CLIC5: variants seen among roughly 807,000 people sequenced by gnomAD.
CLIC5 encodes the protein chloride intracellular channel protein 5.
Under a neutral mutation model 24.7 loss-of-function variants are expected in CLIC5, and 20 were observed. That is an observed-to-expected ratio of 0.81 (90% confidence interval 0.57 to 1.18). CLIC5 has a LOEUF of 1.18. Ranked by LOEUF, CLIC5 falls within the 50% of genes most tolerant of loss-of-function variation. The pLI, the probability that CLIC5 is intolerant of heterozygous loss-of-function variation, is 0.00. For missense variants in CLIC5, 341 were observed against 326.1 expected, an observed-to-expected ratio of 1.05 and a Z score of -0.35; for synonymous variants, 159 against 135.6, an observed-to-expected ratio of 1.17 and a Z score of -1.20.
chr6:45,922,431 T>C (rs1763299613), intron 4 of CLIC5, among the ~76,000 whole-genome samples: 1 of 152,228 alleles, frequency 6.6e-6, no homozygotes, highest in South Asian at 2.1e-4. Context: ...GGGATTCTTA[T>C]AAAGAAGCAT....
intron 1 of CLIC5, among the ~76,000 whole-genome samples, chr6:46,073,925 G>A (rs982897560): frequency 3.3e-5 from 5 of 152,138 alleles, no homozygotes; most frequent in Non-Finnish European, 7.4e-5. Flanking sequence ...ATAAAACTTT[G>A]TTTGCCTCCA....
At chr6:45,945,213 G>A (rs1221319295) in intron 3 of CLIC5, among the ~76,000 whole-genome samples, 1 of 152,124 alleles carries the variant, frequency 6.6e-6, no homozygotes, top group East Asian at 1.9e-4. Context: ...CAGGCTCTAG[G>A]CTCATTAGTA....
chr6:46,013,107 A>G (rs1363505413), intron 1 of CLIC5, among the ~76,000 whole-genome samples: 2 of 152,186 alleles, frequency 1.3e-5, no homozygotes, highest in Non-Finnish European at 2.9e-5. Context: ...CCCAGTGGAA[A>G]CAAGAGGTTG....
intron 4 of CLIC5, among the ~76,000 whole-genome samples, chr6:45,921,769 A>G (rs1172349397): frequency 6.6e-6 from 1 of 152,164 alleles, no homozygotes; most frequent in Non-Finnish European, 1.5e-5. Flanking sequence ...GTTGCCTGGA[A>G]GCATCTCTTT....
intron 6 of CLIC5, among the ~76,000 whole-genome samples, chr6:45,881,438 A>G (rs1762261902): frequency 6.6e-6 from 1 of 152,144 alleles, no homozygotes; most frequent in Non-Finnish European, 1.5e-5. Context: ...TCTCAGCTGA[A>G]GAAGGCCTTC....
intron 4 of CLIC5, among the ~76,000 whole-genome samples, chr6:45,930,808 T>G (rs1449679843): frequency 6.6e-6 from 1 of 152,214 alleles, no homozygotes; most frequent in Non-Finnish European, 1.5e-5. Context: ...ATGCATTAAT[T>G]CATCTAATTA....
At chr6:45,922,436 A>C (rs1334440483) in intron 4 of CLIC5, among the ~76,000 whole-genome samples, 1 of 152,184 alleles carries the variant, frequency 6.6e-6, no homozygotes, top group Non-Finnish European at 1.5e-5. Flanking sequence ...TCTTATAAAG[A>C]AGCATCTTTT....
chr6:46,001,586 C>A (rs1766361339), intron 1 of CLIC5, among the ~76,000 whole-genome samples: 2 of 152,160 alleles, frequency 1.3e-5, no homozygotes, highest in African/African-American at 4.8e-5. Context: ...CTGCCAGGTC[C>A]CAGCTGGCTT....
chr6:46,032,935 C>T (rs1351422904), intron 1 of CLIC5, among the ~76,000 whole-genome samples: 1 of 151,428 alleles, frequency 6.6e-6, no homozygotes, highest in East Asian at 1.9e-4. Flanking sequence ...TTTCTCTGAG[C>T]TCCTCTCACA....
chr6:45,986,768 G>GTA (rs765780423), intron 1 of CLIC5, among the ~76,000 whole-genome samples: 1 of 152,100 alleles, frequency 6.6e-6, no homozygotes, highest in South Asian at 2.1e-4. Context: ...CCCTGGTAAG[G>GTA]ATACAATCTC....
chr6:45,941,142 A>C (rs1764115134), intron 4 of CLIC5, among the ~76,000 whole-genome samples: 1 of 152,200 alleles, frequency 6.6e-6, no homozygotes, highest in Non-Finnish European at 1.5e-5. Context: ...AAATCCCTGG[A>C]GAAACCTTGT....
intron 1 of CLIC5, among the ~76,000 whole-genome samples, chr6:45,999,556 A>C (rs1488411164): frequency 6.6e-6 from 1 of 152,082 alleles, no homozygotes; most frequent in Non-Finnish European, 1.5e-5. Context: ...CCACTTATAC[A>C]TGGATAAGTA....
intron 1 of CLIC5, among the ~76,000 whole-genome samples, chr6:46,044,288 A>G (rs1048177459): frequency 6.6e-6 from 1 of 152,204 alleles, no homozygotes; most frequent in African/African-American, 2.4e-5. Flanking sequence ...ACCTCAGATC[A>G]TATTTATTCC....
At chr6:46,099,801 C>A in the CLIC5 span, among the ~76,000 whole-genome samples, 2 of 152,104 alleles carry the variant, frequency 1.3e-5, no homozygotes, top group Non-Finnish European at 2.9e-5. Flanking sequence ...CTGTGTCTAT[C>A]TCTCTGGGGA....
At chr6:45,911,822 C>T (rs35261495) in intron 5 of CLIC5, 16,093 of 985,432 alleles carry the variant, frequency 0.016, 153 homozygotes, top group Non-Finnish European at 0.018. Context: ...CCTCTCCCAA[C>T]GAAGACCTGT....
intron 1 of CLIC5, among the ~76,000 whole-genome samples, chr6:46,079,309 A>G (rs559222783): frequency 3.9e-5 from 6 of 152,350 alleles, no homozygotes; most frequent in Admixed American, 3.3e-4. Flanking sequence ...GAAGCACAAG[A>G]AGGTCTTTCT....
At chr6:45,945,107 G>C (rs888125283) in intron 3 of CLIC5, among the ~76,000 whole-genome samples, 6 of 152,178 alleles carry the variant, frequency 3.9e-5, no homozygotes, top group African/African-American at 1.4e-4. Context: ...GTCACCAATT[G>C]TCTGTACAAT....
chr6:46,067,317 T>C (rs1352131381), intron 1 of CLIC5, among the ~76,000 whole-genome samples: 1 of 151,900 alleles, frequency 6.6e-6, no homozygotes, highest in African/African-American at 2.4e-5. Context: ...CTTTAAAAAA[T>C]GGGAGTTCAA....
intron 1 of CLIC5, among the ~76,000 whole-genome samples, chr6:45,957,444 T>C (rs968925686): frequency 1.3e-5 from 2 of 152,038 alleles, no homozygotes; most frequent in African/African-American, 2.4e-5. Flanking sequence ...CGAACGCAGG[T>C]GGTCTGGCTA....
Sources: allele counts gnomAD v4.1 joint callset (sites outside exome capture counted in the v4.1 genomes callset), GRCh38; gene constraint gnomAD v4.1.1; transcripts MANE v1.5; gene names NCBI Gene and HGNC (gene_info 2026-07-23, HGNC 2026-07-21).